The following SLIT3 variants were observed in gnomAD, a reference collection of about 807,000 sequenced individuals.
SLIT3 encodes the protein slit guidance ligand 3.
Under a neutral mutation model 184.0 loss-of-function variants are expected in SLIT3, and 68 were observed. That is an observed-to-expected ratio of 0.37 (90% CI 0.30 to 0.45). SLIT3 has a LOEUF of 0.45. Among genes scored for constraint, SLIT3 ranks in the 20% least tolerant of loss-of-function variants. SLIT3 has a pLI of 1.00. For synonymous variants in SLIT3, 831 were observed against 828.6 expected (o/e 1.00, Z -0.05); for missense variants, 1,707 against 2,026.0 (o/e 0.84, Z 3.02).
intron 4 of SLIT3, among the ~76,000 whole-genome samples, chr5:169,084,289 C>CT (rs537953841): frequency 0.057 from 8,043 of 140,212 alleles, 418 homozygotes; most frequent in African/African-American, 0.14. Context: ...TTTTTCTTTT[C>CT]TTTTTTTTTT....
At chr5:169,018,616 C>A (rs117560494) in intron 4 of SLIT3, 1 of 152,186 alleles carries the variant, frequency 6.6e-6, no homozygotes, top group Non-Finnish European at 1.5e-5. Flanking sequence ...AGAGTCCTAT[C>A]GTCTACCAGA....
chr5:169,199,294 A>G (rs1238780415), intron 3 of SLIT3, among the ~76,000 whole-genome samples: 1 of 149,616 alleles, frequency 6.7e-6, no homozygotes, highest in African/African-American at 2.5e-5. Flanking sequence ...TGTAGGAGAG[A>G]GAAGTGAGGT....
intron 4 of SLIT3, among the ~76,000 whole-genome samples, chr5:169,191,184 G>T (rs1477503363): frequency 6.6e-6 from 1 of 152,132 alleles, no homozygotes; most frequent in Non-Finnish European, 1.5e-5. Context: ...GTGGATAAAA[G>T]AATCAAAGCT....
At chr5:169,079,871 T>G (rs1276992468) in intron 4 of SLIT3, among the ~76,000 whole-genome samples, 502 of 15,774 alleles carry the variant, frequency 0.032, no homozygotes, top group Middle Eastern at 0.042. Context: ...GGAGGAAAGG[T>G]GGAGGAGGAG....
At chr5:168,997,533 A>G (rs1465436739) in intron 4 of SLIT3, among the ~76,000 whole-genome samples, 1 of 151,922 alleles carries the variant, frequency 6.6e-6, no homozygotes, top group Non-Finnish European at 1.5e-5. Flanking sequence ...GAGGCAAAAG[A>G]CCCCACAGAG....
At chr5:169,044,856 A>C (rs1400333673) in intron 4 of SLIT3, among the ~76,000 whole-genome samples, 1 of 152,216 alleles carries the variant, frequency 6.6e-6, no homozygotes, top group Non-Finnish European at 1.5e-5. Context: ...TGTAGACCCC[A>C]GCTCTGTTTC....
chr5:168,774,546 C>T (rs1441144706), intron 12 of SLIT3, among the ~76,000 whole-genome samples, 168 bp from the exon 13 acceptor site: 1 of 152,116 alleles, frequency 6.6e-6, no homozygotes, highest in Non-Finnish European at 1.5e-5. Context: ...CTGTGTCTAC[C>T]GAAACCCCAA....
Position 168,842,469 on chromosome 5 carries a change from G to GTTTTTTTTTTTT in SLIT3, c.557+2103_557+2114dup, listed in dbSNP as rs778998998. Among the ~76,000 whole-genome samples the GTTTTTTTTTTTT allele has an allele frequency of 2.8e-3, 247 of 88,048 alleles. 9 individuals are homozygous for GTTTTTTTTTTTT. Among genetic ancestry groups the GTTTTTTTTTTTT allele is most frequent in the East Asian group, 4.3e-3 (13 of 3,056 alleles). The allele number at this position is 88,048 out of a possible 152,430, so 57.8% of individuals were successfully genotyped here. ...TGGTGCATCTGGATACCGTTTTTTC[G>GTTTTTTTTTTTT]TTTTTTTTTTTTTTTTTTGTATCTG... On this transcript the variant is annotated intron_variant, in intron 6 of 35. Transcript: ENST00000519560.
At chr5:169,261,379 G>A (rs1766169310) in intron 1 of SLIT3, among the ~76,000 whole-genome samples, 1 of 152,072 alleles carries the variant, frequency 6.6e-6, no homozygotes, top group African/African-American at 2.4e-5. Context: ...CAGGATAACT[G>A]CCAGCAGATT....
chr5:168,961,932 C>G (rs1183414239), intron 4 of SLIT3, among the ~76,000 whole-genome samples: 1 of 151,888 alleles, frequency 6.6e-6, no homozygotes, highest in Non-Finnish European at 1.5e-5. Context: ...TTGAAAAGAC[C>G]ACTCTGGGTA....
chr5:169,060,575 T>A (rs538493694), intron 4 of SLIT3, among the ~76,000 whole-genome samples: 1 of 152,306 alleles, frequency 6.6e-6, no homozygotes, highest in East Asian at 1.9e-4. Context: ...ACCACTTCCC[T>A]GGAGATGAGC....
intron 14 of SLIT3, chr5:168,768,078 G>T (rs115923615): frequency 5.0e-6 from 2 of 399,140 alleles, no homozygotes; most frequent in African/African-American, 2.1e-5. Context: ...TCTGGCAGGT[G>T]GTGGGCTGCG....
chr5:168,977,448 C>A (rs529472344), intron 4 of SLIT3, among the ~76,000 whole-genome samples: 2 of 152,212 alleles, frequency 1.3e-5, no homozygotes, highest in Non-Finnish European at 2.9e-5. Context: ...TTTTGAGGAA[C>A]TTCCTTTCCC....
At chr5:169,238,545 T>TTTC (rs753515511) in intron 3 of SLIT3, among the ~76,000 whole-genome samples, 1 of 127,270 alleles carries the variant, frequency 7.9e-6, no homozygotes, top group Non-Finnish European at 1.8e-5. Context: ...TGAAATAGCT[T>TTTC]TTTTTTTTTT....
At chr5:168,710,810 T>G in intron 25 of SLIT3, 85 bp downstream of exon 25, 1 of 1,220,824 alleles carries the variant, frequency 8.2e-7, no homozygotes, top group Non-Finnish European at 1.1e-6. Context: ...GCCACATCTG[T>G]TGAGATACCC....
chr5:169,059,993 G>T lies in SLIT3; in HGVS notation c.413+133486C>A, dbSNP rs544914578. Among the ~76,000 whole-genome samples the T allele has an allele frequency of 4.3e-4, 66 of 152,344 alleles. 1 individual carries two copies. The South Asian group carries it at 0.013, about 30-fold the overall frequency. Reference sequence around the variant, plus strand: ...AGCTCTTTCATCCTTTTTTGGCCATGTGAGGACACAGAAAGAAGCCAGCCA... The same window carrying T: ...AGCTCTTTCATCCTTTTTTGGCCATTTGAGGACACAGAAAGAAGCCAGCCA... On this transcript the variant is annotated intron_variant, in intron 4 of 35. Coordinates refer to ENST00000519560, the MANE Select transcript of SLIT3 (RefSeq NM_003062.4).
At chr5:169,273,164 C>G (rs1175701408) in intron 1 of SLIT3, among the ~76,000 whole-genome samples, 1 of 152,324 alleles carries the variant, frequency 6.6e-6, no homozygotes, top group African/African-American at 2.4e-5. Context: ...CCACCACCCC[C>G]TGCCTCTGGC....
chr5:169,151,747 G>A (rs1329750134), intron 4 of SLIT3, among the ~76,000 whole-genome samples: 1 of 152,214 alleles, frequency 6.6e-6, no homozygotes, highest in Non-Finnish European at 1.5e-5. Flanking sequence ...GCCTCTGAAA[G>A]GCCTGCCTTC....
intron 4 of SLIT3, among the ~76,000 whole-genome samples, chr5:169,109,577 G>C (rs1760338219): frequency 6.6e-6 from 1 of 152,158 alleles, no homozygotes; most frequent in Non-Finnish European, 1.5e-5. Flanking sequence ...ACTTATTATA[G>C]GGCAATTGAA....
Sources: allele counts gnomAD v4.1 joint callset (sites outside exome capture counted in the v4.1 genomes callset), GRCh38; gene constraint gnomAD v4.1.1; transcripts MANE v1.5; gene names NCBI Gene and HGNC (gene_info 2026-07-23, HGNC 2026-07-21).